The following GTF3C1 variants were observed in gnomAD, a reference collection of about 807,000 sequenced individuals.
GTF3C1 encodes general transcription factor 3C polypeptide 1.
In GTF3C1, 57 loss-of-function variants were observed where a neutral mutation model predicts 226.7. The ratio of observed to expected loss-of-function variants is 0.25; its 90% CI spans 0.20 to 0.31. The LOEUF is 0.31. Ranked by LOEUF, GTF3C1 falls within the 10% of genes least tolerant of loss-of-function variation. The probability of loss-of-function intolerance (pLI) is 1.00; values close to 1 mark genes in which losing one functional copy is unlikely to be tolerated. For missense variants in GTF3C1, 2,217 were observed against 2,776.1 expected, an observed-to-expected ratio of 0.80 and a Z score of 4.53; for synonymous variants, 1,090 against 1,084.8, an observed-to-expected ratio of 1.00 and a Z score of -0.09.
At chr16:27,548,954 G>A (rs919213071) in intron 1 of GTF3C1, among the ~76,000 whole-genome samples, 4 of 152,088 alleles carry the variant, frequency 2.6e-5, no homozygotes, top group Non-Finnish European at 2.9e-5. Context: ...AGGAGTTCGC[G>A]ACCAGCCTGG....
At chr16:27,465,084 T>A (rs1190536105) in intron 33 of GTF3C1, among the ~76,000 whole-genome samples, 176 bp downstream of exon 33, 1 of 152,214 alleles carries the variant, frequency 6.6e-6, no homozygotes, top group Non-Finnish European at 1.5e-5. Flanking sequence ...GATCCACAAC[T>A]GTACCCTCAA....
chr16:27,462,735 G>A lies in GTF3C1; in HGVS notation c.5925-249C>T, dbSNP rs2087724709. On this transcript the variant is annotated intron_variant, in intron 35 of 36. Coordinates refer to ENST00000356183, the MANE Select transcript of GTF3C1 (RefSeq NM_001520.4). This position sits in a 1 kb window ranked among gnomAD's most constrained non-coding sequence, Gnocchi z 4.5. ...TGTAGCTGTAACTGAGGCCTCAGTG[G>A]GCCCACCCACATTGGCAGGAGAGGG... 1 of 480,982 alleles carries A rather than the reference G, an allele frequency of 2.1e-6. No individual in the cohort carries two copies. Among genetic ancestry groups the A allele is most frequent in the African/African-American group, 1.9e-5 (1 of 51,932 alleles). 29.8% of individuals were successfully genotyped at this position (480,982 alleles called of 1,614,324 possible).
At chr16:27,472,980 C>G (rs1157280435) in intron 29 of GTF3C1, among the ~76,000 whole-genome samples, 1 of 152,120 alleles carries the variant, frequency 6.6e-6, no homozygotes, top group African/African-American at 2.4e-5. Flanking sequence ...ACAGTGACAC[C>G]AACATAGCTC....
intron 32 of GTF3C1, among the ~76,000 whole-genome samples, chr16:27,468,435 G>A (rs1433005800): frequency 6.6e-6 from 1 of 152,104 alleles, no homozygotes; most frequent in Non-Finnish European, 1.5e-5. Flanking sequence ...AACAGAGGAA[G>A]GCCCCGTCTC....
At chr16:27,533,933 G>A (rs540361415) in intron 4 of GTF3C1, among the ~76,000 whole-genome samples, 1 of 152,216 alleles carries the variant, frequency 6.6e-6, no homozygotes, top group African/African-American at 2.4e-5. Context: ...TTGAATCTGG[G>A]AGGTGGAGGT....
intron 6 of GTF3C1, among the ~76,000 whole-genome samples, chr16:27,523,046 A>G (rs2088774530): frequency 6.6e-6 from 1 of 152,160 alleles, no homozygotes; most frequent in Non-Finnish European, 1.5e-5. Flanking sequence ...AACTTGTGAC[A>G]ACCTGAAAAA....
chr16:27,495,196 G>C lies in GTF3C1; in HGVS notation c.2632+15C>G, dbSNP rs745405482. 1.3e-6 allele frequency: 2 copies of C among 1,591,714 alleles called. No homozygotes were observed. Among genetic ancestry groups the C allele is most frequent in the South Asian group, 2.2e-5 (2 of 90,588 alleles). On this transcript the variant is annotated intron_variant, in intron 15 of 36. Coordinates refer to ENST00000356183, the MANE Select transcript of GTF3C1 (RefSeq NM_001520.4). The stretch of plus-strand genomic sequence containing the variant: ...CCTGCCCGCCCCAGGTGCAGGAGTG[G>C]CAGGGGCCTCTCACCTGTCTCCGTG...
intron 2 of GTF3C1, among the ~76,000 whole-genome samples, chr16:27,540,636 GTT>G (rs1567416615): frequency 6.6e-6 from 1 of 152,116 alleles, no homozygotes; most frequent in Non-Finnish European, 1.5e-5. Context: ...AATAAAAATA[GTT>G]TCTACCTTCA....
chr16:27,535,707 T>C (rs1596659698), intron 4 of GTF3C1, among the ~76,000 whole-genome samples: 1 of 151,946 alleles, frequency 6.6e-6, no homozygotes. Flanking sequence ...TTGACCAACA[T>C]GGAGAAACCC....
chr16:27,484,625 CG>C (rs374953306), intron 24 of GTF3C1, among the ~76,000 whole-genome samples: 6 of 151,770 alleles, frequency 4.0e-5, no homozygotes, highest in Non-Finnish European at 7.4e-5. Flanking sequence ...CCCAACGGGG[CG>C]GGGGGGAACT....
rs745622864 is a variant in GTF3C1, at chr16:27,497,646, G to A, written c.2341C>T (p.Pro781Ser). Residue 781 changes from proline (P) to serine (S), a missense_variant, in exon 14 of 37, where the codon CCC becomes TCC. By Grantham distance (74) the Pro-to-Ser change is moderately conservative (BLOSUM62 -1). This residue lies in a region of GTF3C1 where 100 missense variants were observed against 139.9 expected (regional missense o/e 0.71). Coordinates refer to ENST00000356183, the MANE Select transcript of GTF3C1 (RefSeq NM_001520.4). The part of the protein sequence containing the change: ...MGITPLRNYH[P>S]IVVPGLGRSL... ...AGAAGCTGCAGCTTACCTACAATGGGGTGATAATTTCTAAGCGGGGTTATG... is the reference window on the plus strand; with the variant it reads ...AGAAGCTGCAGCTTACCTACAATGGAGTGATAATTTCTAAGCGGGGTTATG... 1.9e-6 allele frequency: 3 copies of A among 1,611,372 alleles called. No individual in the cohort carries two copies. The highest frequency in any genetic ancestry group is 2.5e-6 in the Non-Finnish European group (3 of 1,177,972).
chr16:27,504,832 G>A (rs796709450), intron 10 of GTF3C1, among the ~76,000 whole-genome samples: 48 of 152,300 alleles, frequency 3.2e-4, no homozygotes, highest in African/African-American at 1.1e-3. Context: ...TCAGGAGGCT[G>A]AAGCAGGAGG....
chr16:27,527,958 A>G (rs4787964), intron 6 of GTF3C1, among the ~76,000 whole-genome samples: 1,585 of 150,096 alleles, frequency 0.011, 79 homozygotes, highest in Admixed American at 0.087. Context: ...TGGGCAACAG[A>G]GAAAGACCCT....
At chr16:27,522,927 C>T (rs935961195) in intron 6 of GTF3C1, among the ~76,000 whole-genome samples, 1 of 152,184 alleles carries the variant, frequency 6.6e-6, no homozygotes, top group African/African-American at 2.4e-5. Flanking sequence ...TACCGATCTT[C>T]TGTCCTGAAA....
intron 6 of GTF3C1, among the ~76,000 whole-genome samples, chr16:27,525,899 C>T (rs150871276): frequency 1.7e-4 from 26 of 152,152 alleles, no homozygotes; most frequent in African/African-American, 5.3e-4. Context: ...TCTAAGGATT[C>T]TTTATTTTTC....
intron 4 of GTF3C1, among the ~76,000 whole-genome samples, chr16:27,536,675 C>A (rs904354495): frequency 1.3e-5 from 2 of 152,172 alleles, no homozygotes; most frequent in Non-Finnish European, 1.5e-5. Context: ...TCATTCCCCC[C>A]ACTTTTGGAG....
chr16:27,534,594 T>G (rs1004666353), intron 4 of GTF3C1, among the ~76,000 whole-genome samples: 1 of 152,222 alleles, frequency 6.6e-6, no homozygotes, highest in African/African-American at 2.4e-5. Flanking sequence ...ACTGCCCAAG[T>G]GAGGGGCAAA....
chr16:27,512,962 G>A (rs2088598947), intron 6 of GTF3C1, among the ~76,000 whole-genome samples: 1 of 152,192 alleles, frequency 6.6e-6, no homozygotes, highest in Non-Finnish European at 1.5e-5. Flanking sequence ...CCTGGAGCGG[G>A]ACAACCACCC....
rs755877408 is a variant in GTF3C1, at chr16:27,508,687, G to A, written c.1127-32C>T. On this transcript the variant is annotated intron_variant, in intron 7 of 36. Coordinates refer to ENST00000356183, the MANE Select transcript of GTF3C1 (RefSeq NM_001520.4). ...GAAACAATACACGTGAACCCAAACC[G>A]CTGCAAAGGAGCTGTTCTGCACAAG... 14 of 1,500,324 alleles carry A rather than the reference G, an allele frequency of 9.3e-6. No homozygotes were observed. The East Asian group carries it at 2.0e-4, about 22-fold the overall frequency. The allele number at this position is 1,500,324 out of a possible 1,614,324, so 92.9% of individuals were successfully genotyped here.
Sources: gnomAD v4.1 joint callset for allele counts (sites outside exome capture counted in the v4.1 genomes callset) on GRCh38, gnomAD v4.1.1 for gene constraint, gnomAD v4.1.1 regional missense constraint, Gnocchi (gnomAD v3.1) non-coding constraint, MANE v1.5 for transcripts, NCBI Gene and HGNC (gene_info 2026-07-23, HGNC 2026-07-21) for gene names.